Variants in PAN3 observed in about 807,000 individuals in gnomAD.
PAN3 encodes the protein PAN2-PAN3 deadenylation complex subunit PAN3.
Under a neutral mutation model 96.2 loss-of-function variants are expected in PAN3, and 19 were observed. That is an observed-to-expected ratio of 0.20 (90% confidence interval 0.14 to 0.29). The LOEUF (loss-of-function observed/expected upper bound fraction) is 0.29, where lower values mean the gene tolerates loss of function less well. PAN3 is among the 10% of genes least tolerant of loss of function. The pLI, the probability that PAN3 is intolerant of heterozygous loss-of-function variation, is 1.00. For missense variants in PAN3, 882 were observed against 1,108.1 expected, an observed-to-expected ratio of 0.80 and a Z score of 2.90; for synonymous variants, 433 against 406.6, an observed-to-expected ratio of 1.06 and a Z score of -0.78.
intron 12 of PAN3, among the ~76,000 whole-genome samples, chr13:28,268,289 A>G (rs1391590322): frequency 2.0e-5 from 3 of 151,970 alleles, no homozygotes; most frequent in Non-Finnish European, 4.4e-5. Context: ...CATAGTTTTT[A>G]TATTCTCTGA....
At chr13:28,161,790 T>G (rs760718111) in intron 1 of PAN3, among the ~76,000 whole-genome samples, 1 of 152,212 alleles carries the variant, frequency 6.6e-6, no homozygotes, top group Non-Finnish European at 1.5e-5. Flanking sequence ...TTTCTGACAG[T>G]TTGACTTTTT....
intron 1 of PAN3, among the ~76,000 whole-genome samples, chr13:28,139,551 T>TGTGTGTGTGTGTGTGTG (rs60579592): frequency 1.1e-5 from 1 of 87,000 alleles, no homozygotes; most frequent in African/African-American, 4.2e-5. Context: ...TGTGTGTGTG[T>TGTGTGTGTGTGTGTGTG]AGGGGGCGGG....
chr13:28,148,281 T>G (rs1870932173), intron 1 of PAN3, among the ~76,000 whole-genome samples: 1 of 151,942 alleles, frequency 6.6e-6, no homozygotes. Flanking sequence ...GCGTGTGTGT[T>G]TGTATATATA....
chr13:28,208,812 A>G (rs994867311), intron 5 of PAN3, among the ~76,000 whole-genome samples: 1 of 152,144 alleles, frequency 6.6e-6, no homozygotes, highest in African/African-American at 2.4e-5. Flanking sequence ...TAAATGTACA[A>G]TCCATGTGAA....
chr13:28,160,645 A>G (rs1872774672), intron 1 of PAN3, among the ~76,000 whole-genome samples: 1 of 152,220 alleles, frequency 6.6e-6, no homozygotes, highest in Admixed American at 6.5e-5. Context: ...TATATATCTT[A>G]AAGAACTGTT....
At chr13:28,251,652 A>T (rs565025733) in intron 6 of PAN3, among the ~76,000 whole-genome samples, 7 of 152,328 alleles carry the variant, frequency 4.6e-5, no homozygotes, top group African/African-American at 1.7e-4. Context: ...ATGAGCTGAT[A>T]GAAATGTCCT....
At chr13:28,142,293 T>TA (rs1232326982) in intron 1 of PAN3, among the ~76,000 whole-genome samples, 1 of 152,242 alleles carries the variant, frequency 6.6e-6, no homozygotes, top group Non-Finnish European at 1.5e-5. Context: ...TTCTACCTTT[T>TA]ACTGTATTCT....
At chr13:28,211,109 C>G (rs1180749165) in intron 5 of PAN3, among the ~76,000 whole-genome samples, 2 of 151,994 alleles carry the variant, frequency 1.3e-5, no homozygotes, top group Non-Finnish European at 2.9e-5. Context: ...TCTTGTTGCC[C>G]AGGCTGATCT....
At chr13:28,191,476 T>C (rs1287542521) in intron 4 of PAN3, among the ~76,000 whole-genome samples, 1 of 152,170 alleles carries the variant, frequency 6.6e-6, no homozygotes. Flanking sequence ...TGGTGCTTAG[T>C]GGTATTTAGT....
intron 6 of PAN3, among the ~76,000 whole-genome samples, chr13:28,255,550 C>T (rs907171147): frequency 6.6e-6 from 1 of 151,946 alleles, no homozygotes; most frequent in African/African-American, 2.4e-5. Flanking sequence ...ATGTTTCTTA[C>T]TGGTTGTGGT....
Position 28,215,384 on chromosome 13 carries a change from T to C in PAN3, c.853-4847T>C, listed in dbSNP as rs1212349438. 4 of 748,722 alleles carry C rather than the reference T, an allele frequency of 5.3e-6. No individual in the cohort carries two copies. The East Asian group carries it at 9.9e-5, about 18-fold the overall frequency. The allele number at this position is 748,722 out of a possible 1,614,324, so 46.4% of individuals were successfully genotyped here. On this transcript the variant is annotated intron_variant, in intron 5 of 18. Coordinates refer to ENST00000380958, the MANE Select transcript of PAN3 (RefSeq NM_175854.8). ...CAGTCAACGTTACAACTGAAGTCTA[T>C]TGAAATGCACCATGGAGCTTTGAGT...
At chr13:28,162,316 G>A (rs896728071) in intron 1 of PAN3, among the ~76,000 whole-genome samples, 6 of 152,162 alleles carry the variant, frequency 3.9e-5, no homozygotes, top group Admixed American at 3.9e-4. Flanking sequence ...GGGTAGAGGA[G>A]CCCCTGTTTC....
At chr13:28,140,942 TAATGTTTGATTAGTAACC>T (rs1323642537) in intron 1 of PAN3, among the ~76,000 whole-genome samples, 1 of 152,034 alleles carries the variant, frequency 6.6e-6, no homozygotes, top group Non-Finnish European at 1.5e-5. Flanking sequence ...GACTCAGTAG[TAATGTTTGATTAGTAACC>T]AATGACACTG....
intron 6 of PAN3, among the ~76,000 whole-genome samples, chr13:28,255,727 A>G (rs566459031): frequency 6.6e-6 from 1 of 152,082 alleles, no homozygotes; most frequent in East Asian, 1.9e-4. Flanking sequence ...ATGGCACTTA[A>G]GCTGCTATGT....
At chr13:28,239,920 G>C (rs1479256874) in intron 6 of PAN3, 1 of 240,924 alleles carries the variant, frequency 4.2e-6, no homozygotes, top group Non-Finnish European at 8.4e-6. Flanking sequence ...TGAGAGGTCA[G>C]CATAGAAGCT....
chr13:28,292,755 A>T lies in PAN3; in HGVS notation c.*233A>T, dbSNP rs1225700994. On this transcript the variant is annotated 3_prime_UTR_variant, in exon 19 of 19. Coordinates refer to ENST00000380958, the MANE Select transcript of PAN3 (RefSeq NM_175854.8). Reference sequence around the variant, plus strand: ...TCTGTGAAGAATTTATTTTAGATTTAGGAGCACCATCAGGTGAATGATGTT... The same window carrying T: ...TCTGTGAAGAATTTATTTTAGATTTTGGAGCACCATCAGGTGAATGATGTT... 6 of 338,586 alleles carry T rather than the reference A, an allele frequency of 1.8e-5. No individual in the cohort carries two copies. The highest frequency in any genetic ancestry group is 2.1e-5 in the African/African-American group (1 of 47,174). The allele number at this position is 338,586 out of a possible 1,614,324, so 21.0% of individuals were successfully genotyped here. A position where few individuals can be genotyped will look rare whatever the true frequency, so the allele number is the denominator to read the frequency against.
chr13:28,215,371 C>G, intron 5 of PAN3: 1 of 751,438 alleles, frequency 1.3e-6, no homozygotes, highest in Non-Finnish European at 2.5e-6. Context: ...GTCAACGTTA[C>G]AACTGAAGTC....
intron 4 of PAN3, among the ~76,000 whole-genome samples, chr13:28,186,717 C>T (rs531844786): frequency 6.6e-6 from 1 of 152,274 alleles, no homozygotes; most frequent in South Asian, 2.1e-4. Flanking sequence ...ATAGTGACAG[C>T]TACATGGGAG....
intron 5 of PAN3, among the ~76,000 whole-genome samples, chr13:28,198,076 C>T (rs754745578): frequency 2.0e-5 from 3 of 151,774 alleles, no homozygotes; most frequent in Non-Finnish European, 2.9e-5. Flanking sequence ...AGTTTAAGAC[C>T]AGCCTGGCCA....
Sources: allele counts gnomAD v4.1 joint callset (sites outside exome capture counted in the v4.1 genomes callset), GRCh38; gene constraint gnomAD v4.1.1; transcripts MANE v1.5; gene names NCBI Gene and HGNC (gene_info 2026-07-23, HGNC 2026-07-21).